EHHADH: variants seen among roughly 807,000 people sequenced by gnomAD.
EHHADH encodes peroxisomal bifunctional enzyme.
A neutral mutation model predicts 64.4 loss-of-function variants in EHHADH; 48 were observed. That is an observed-to-expected ratio of 0.75 (90% CI 0.59 to 0.95). EHHADH has a LOEUF of 0.95. Among genes scored for constraint, EHHADH ranks in the 40% least tolerant of loss-of-function variants. EHHADH has a pLI of 0.00. For synonymous variants in EHHADH, 308 were observed against 326.7 expected, an observed-to-expected ratio of 0.94 and a Z score of 0.62; for missense variants, 854 against 876.6, an observed-to-expected ratio of 0.97 and a Z score of 0.33.
chr3:185,253,571 A>T (rs77257133), intron 1 of EHHADH, among the ~76,000 whole-genome samples: 11 of 46,546 alleles, frequency 2.4e-4, no homozygotes, highest in African/African-American at 8.1e-4. Context: ...AAGTATAATT[A>T]AAAAAAAAAA....
rs1176036451 is a variant in EHHADH, at chr3:185,244,566, G to A, written c.178+3848C>T. 3.3e-5 allele frequency among the ~76,000 whole-genome samples: 5 copies of A among 152,318 alleles called. No homozygotes were observed. In the East Asian group the frequency reaches 7.7e-4, roughly 23 times the overall value. On this transcript the variant is annotated intron_variant, in intron 2 of 6. Transcript: ENST00000231887. Reference sequence around the variant, plus strand: ...GTTGAATAGTGTTTACCCAGAAGCTGTGAGTGTGACATTTGGAAAGAAGGT... The same window carrying A: ...GTTGAATAGTGTTTACCCAGAAGCTATGAGTGTGACATTTGGAAAGAAGGT...
At chr3:185,240,119 ATATTGATGTAATATCTTTTTGAAGTGC>A (rs1400306436) in intron 2 of EHHADH, among the ~76,000 whole-genome samples, 1 of 152,104 alleles carries the variant, frequency 6.6e-6, no homozygotes, top group Non-Finnish European at 1.5e-5. Flanking sequence ...AGCCCATCTA[ATATTGATGTAATATCTTTTTGAAGTGC>A]TATTGGATTT....
At chr3:185,214,218 A>G (rs1718625302) in intron 5 of EHHADH, among the ~76,000 whole-genome samples, 1 of 152,208 alleles carries the variant, frequency 6.6e-6, no homozygotes, top group Non-Finnish European at 1.5e-5. Flanking sequence ...ACCCCAAAAC[A>G]CACATTACAC....
intron 4 of EHHADH, 89 bp from the exon 5 acceptor site, chr3:185,218,329 G>T: frequency 1.3e-6 from 1 of 798,320 alleles, no homozygotes; most frequent in Non-Finnish European, 2.0e-6. Flanking sequence ...AGGAAAGGCT[G>T]TCTGTCTGGA....
At chr3:185,222,040 A>G (rs1233711005) in intron 4 of EHHADH, among the ~76,000 whole-genome samples, 1 of 152,120 alleles carries the variant, frequency 6.6e-6, no homozygotes, top group Non-Finnish European at 1.5e-5. Context: ...ATATATATCA[A>G]TATTTACTGT....
At chr3:185,226,185 C>T (rs1718968128) in intron 4 of EHHADH, among the ~76,000 whole-genome samples, 1 of 152,176 alleles carries the variant, frequency 6.6e-6, no homozygotes, top group African/African-American at 2.4e-5. Flanking sequence ...TGGCATGTGA[C>T]TCTAACGGTA....
chr3:185,204,516 A>G lies in EHHADH; in HGVS notation c.810T>C (p.Tyr270=). 1 of 1,614,224 alleles carries G rather than the reference A, an allele frequency of 6.2e-7. No homozygotes were observed. The highest frequency in any genetic ancestry group is 8.5e-7 in the Non-Finnish European group (1 of 1,180,038). Residue 270 remains tyrosine (Y), a synonymous_variant, in exon 6 of 7, where the codon TAT becomes TAC. Transcript: ENST00000231887. ...TTGCTTTCCTTTCAGCGAAGAAAGCATATTGCAGGGCTCTAGCCTGCCCTG... is the reference window on the plus strand; with the variant it reads ...TTGCTTTCCTTTCAGCGAAGAAAGCGTATTGCAGGGCTCTAGCCTGCCCTG... The part of the protein sequence containing the change: ...LQSGQARALQ[Y]AFFAERKANK...
At chr3:185,240,708 G>A (rs1181723868) in intron 2 of EHHADH, among the ~76,000 whole-genome samples, 2 of 151,814 alleles carry the variant, frequency 1.3e-5, no homozygotes, top group East Asian at 1.9e-4. Flanking sequence ...TCTTTTCAAA[G>A]AACCAACTTT....
At chr3:185,218,076 AT>A in intron 5 of EHHADH, 59 bp downstream of exon 5, 1 of 1,298,182 alleles carries the variant, frequency 7.7e-7, no homozygotes, top group South Asian at 1.4e-5. Context: ...GGAGTTTCTT[AT>A]TTAAATGAAC....
At chr3:185,226,924 G>A (rs1354719862) in intron 4 of EHHADH, 1 of 152,168 alleles carries the variant, frequency 6.6e-6, no homozygotes, top group Non-Finnish European at 1.5e-5. Flanking sequence ...TGTGATTATT[G>A]TTCTGTTCTT....
At position 185,237,207 on chromosome 3, in the gene EHHADH, T is replaced by C. The variant is rs1719318257; in HGVS notation, c.179-1745A>G. Among the ~76,000 whole-genome samples, 4 of 152,360 alleles carry C rather than the reference T, an allele frequency of 2.6e-5. No homozygotes were observed. The South Asian group carries it at 8.3e-4, about 32-fold the overall frequency. On this transcript the variant is annotated intron_variant, in intron 2 of 6. Transcript: ENST00000231887. ...TCAAAATCTAATTAATATTGGGATA[T>C]TGATTTTTATACCCAGCAAAACTGC...
intron 1 of EHHADH, 26 bp downstream of exon 1, chr3:185,253,923 G>A (rs1366580399): frequency 3.1e-6 from 5 of 1,613,612 alleles, no homozygotes; most frequent in Non-Finnish European, 4.2e-6. Flanking sequence ...CACGGTCCCC[G>A]GGCTGGAGGC....
chr3:185,245,505 C>G, intron 2 of EHHADH: 1 of 1,058,216 alleles, frequency 9.4e-7, no homozygotes, highest in Non-Finnish European at 1.4e-6. Context: ...CCATGACAGT[C>G]TGGAAGCCAG....
rs945966526 is a variant in EHHADH at position 185,229,230 on chromosome 3, C to A, written c.463+202G>T. 8.5e-5 allele frequency among the ~76,000 whole-genome samples: 13 copies of A among 152,336 alleles called. 1 individual carries two copies. Among genetic ancestry groups the A allele is most frequent in the African/African-American group, 2.4e-4 (10 of 41,578 alleles). On this transcript the variant is annotated intron_variant, in intron 4 of 6. Transcript: ENST00000231887. ...TGCATGCACTTTCATTTAAAAGGCT[C>A]TCACATTTGATCTTCACGATAACGT...
At chr3:185,223,665 CT>C (rs1440044349) in intron 4 of EHHADH, among the ~76,000 whole-genome samples, 12 of 152,080 alleles carry the variant, frequency 7.9e-5, no homozygotes, top group Admixed American at 7.9e-4. Context: ...CCCAATTCCT[CT>C]TTCCCCCCAT....
In EHHADH at chr3:185,254,018, G is replaced by A; in HGVS notation, c.5C>T (p.Ala2Val). 1 of 1,613,778 alleles carries A rather than the reference G, an allele frequency of 6.2e-7. No individual in the cohort carries two copies. Among genetic ancestry groups the A allele is most frequent in the Non-Finnish European group, 8.5e-7 (1 of 1,179,816 alleles). M[A>V]EYTRLHNALA... is the part of the protein sequence containing the mutation. ...GGCGTTGTGCAGCCGCGTATACTCG[G>A]CCATGTTTCCTCTATCACCGAGGGC... Residue 2 changes from alanine to valine, a missense_variant, in exon 1 of 7, where the codon GCC becomes GTC. By Grantham distance (64) the Ala-to-Val change is moderately conservative (BLOSUM62 0). Transcript: ENST00000231887.
chr3:185,196,027 C>G (rs1718053118), intron 6 of EHHADH, among the ~76,000 whole-genome samples: 1 of 152,308 alleles, frequency 6.6e-6, no homozygotes, highest in Non-Finnish European at 1.5e-5. Flanking sequence ...TTTCTTATCT[C>G]CTCCTTAAGA....
intron 2 of EHHADH, chr3:185,246,198 T>C: frequency 1.0e-6 from 1 of 972,084 alleles, no homozygotes; most frequent in Non-Finnish European, 1.6e-6. Context: ...TTTTTGTTTT[T>C]TTTTCTTTTT....
rs1209931683 is a variant in EHHADH at position 185,192,722 on chromosome 3, C to T, written c.1676G>A (p.Cys559Tyr). ...PARKRGNRRY[C>Y]PIPDVLCELG... ...TTCACAGAGCACATCAGGAATTGGG[C>T]AGTACCTCCTATTACCCCTTTTTCG... The change falls in exon 7 of 7, where the codon TGC becomes TAC. Residue 559 changes from cysteine (C) to tyrosine (Y), a missense_variant. Coordinates refer to ENST00000231887, the MANE Select transcript of EHHADH (RefSeq NM_001966.4). The T allele has an allele frequency of 6.2e-7, 1 of 1,613,998 alleles. No individual in the cohort carries two copies. Among genetic ancestry groups the T allele is most frequent in the East Asian group, 2.2e-5 (1 of 44,892 alleles).
Sources: allele counts gnomAD v4.1 joint callset (sites outside exome capture counted in the v4.1 genomes callset), GRCh38; gene constraint gnomAD v4.1.1; transcripts MANE v1.5; gene names NCBI Gene and HGNC (gene_info 2026-07-23, HGNC 2026-07-21).